DDX10: variants seen among roughly 807,000 people sequenced by gnomAD.
DDX10 encodes probable ATP-dependent RNA helicase DDX10.
In DDX10, 74 loss-of-function variants were observed where a neutral mutation model predicts 104.3. That is an observed-to-expected ratio of 0.71 (90% CI 0.59 to 0.86). The LOEUF (loss-of-function observed/expected upper bound fraction) is 0.86, where lower values mean the gene tolerates loss of function less well. DDX10 is among the 40% of genes least tolerant of loss of function. The pLI, the probability that DDX10 is intolerant of heterozygous loss-of-function variation, is 0.00. For missense variants in DDX10, 952 were observed against 1,040.0 expected (o/e 0.92, Z 1.16); for synonymous variants, 351 against 353.4 (o/e 0.99, Z 0.08).
At chr11:108,697,475 G>C (rs1359255663) in intron 9 of DDX10, among the ~76,000 whole-genome samples, 1 of 152,034 alleles carries the variant, frequency 6.6e-6, no homozygotes, top group Non-Finnish European at 1.5e-5. Context: ...GCTAAGATTT[G>C]GGGAATCTTT....
intron 1 of DDX10, among the ~76,000 whole-genome samples, chr11:108,667,405 A>G (rs2094211472): frequency 6.6e-6 from 1 of 152,208 alleles, no homozygotes; most frequent in Admixed American, 6.5e-5. Context: ...CTTGGCTCAC[A>G]GTTACTTTTA....
At chr11:108,709,923 G>A (rs144745433) in intron 10 of DDX10, among the ~76,000 whole-genome samples, 1 of 152,104 alleles carries the variant, frequency 6.6e-6, no homozygotes, top group Non-Finnish European at 1.5e-5. Flanking sequence ...GGGAATAAGT[G>A]TGAGCAATGG....
chr11:108,872,850 C>T lies in DDX10; in HGVS notation c.2304+20641C>T, dbSNP rs150320690. On this transcript the variant is annotated intron_variant, in intron 16 of 17. Coordinates refer to ENST00000322536, the MANE Select transcript of DDX10 (RefSeq NM_004398.4). ...CCCCCTCCCATTTCCCTTTCTCTCA[C>T]GGTCATTCTCTTTCCCTTCCATTCT... Among the ~76,000 whole-genome samples the T allele has an allele frequency of 8.9e-5, 13 of 146,794 alleles. No individual in the cohort carries two copies. The East Asian group carries it at 1.9e-3, about 22-fold the overall frequency.
At chr11:108,746,369 C>T (rs1222409255) in intron 13 of DDX10, among the ~76,000 whole-genome samples, 1 of 151,606 alleles carries the variant, frequency 6.6e-6, no homozygotes, top group Non-Finnish European at 1.5e-5. Flanking sequence ...TTGCATATAT[C>T]AGTATTGCAT....
chr11:108,853,420 ATAATC>A (rs1257005435), intron 16 of DDX10, among the ~76,000 whole-genome samples: 38 of 152,240 alleles, frequency 2.5e-4, no homozygotes, highest in African/African-American at 8.7e-4. Flanking sequence ...AATGAAAGAT[ATAATC>A]TAGAGCCAAA....
chr11:108,910,834 G>A (rs1863666482), intron 16 of DDX10, among the ~76,000 whole-genome samples: 1 of 150,618 alleles, frequency 6.6e-6, no homozygotes, highest in Non-Finnish European at 1.5e-5. Flanking sequence ...AGGATGATAG[G>A]GGGTTCTTGT....
At chr11:108,673,394 A>G (rs2094219586) in intron 1 of DDX10, 73 bp from the exon 2 acceptor site, 1 of 978,206 alleles carries the variant, frequency 1.0e-6, no homozygotes, top group African/African-American at 1.6e-5. Context: ...GAGCTGGGCA[A>G]TACAATGTAG....
intron 13 of DDX10, among the ~76,000 whole-genome samples, chr11:108,759,276 A>G (rs2094347942): frequency 6.6e-6 from 1 of 152,116 alleles, no homozygotes; most frequent in South Asian, 2.1e-4. Context: ...TCATATACCT[A>G]TATGACCAAA....
At chr11:108,733,167 G>T (rs1591804247) in intron 13 of DDX10, among the ~76,000 whole-genome samples, 1 of 144,808 alleles carries the variant, frequency 6.9e-6, no homozygotes, top group Non-Finnish European at 1.5e-5. Context: ...ACTCACTGTT[G>T]GTGTTAAAAC....
intron 13 of DDX10, among the ~76,000 whole-genome samples, chr11:108,767,057 T>A (rs1352544939): frequency 1.3e-5 from 2 of 152,186 alleles, no homozygotes; most frequent in African/African-American, 2.4e-5. Flanking sequence ...TCAGCTCTTA[T>A]ATTGGAGAGT....
At chr11:108,841,922 A>G (rs1287407073) in intron 15 of DDX10, among the ~76,000 whole-genome samples, 1 of 152,198 alleles carries the variant, frequency 6.6e-6, no homozygotes, top group East Asian at 1.9e-4. Flanking sequence ...AGTTGTGTGC[A>G]TCAGTGCTTT....
At chr11:108,865,330 C>T (rs1311110991) in intron 16 of DDX10, among the ~76,000 whole-genome samples, 2 of 152,072 alleles carry the variant, frequency 1.3e-5, no homozygotes, top group Admixed American at 6.6e-5. Context: ...TCCTGTGGGG[C>T]CTCTTTTAGC....
intron 17 of DDX10, 97 bp from the exon 18 acceptor site, chr11:108,940,146 GAAT>G: frequency 7.8e-7 from 1 of 1,276,668 alleles, no homozygotes; most frequent in Non-Finnish European, 1.1e-6. Flanking sequence ...CTTCATTCTT[GAAT>G]AATATCACTT....
intron 10 of DDX10, among the ~76,000 whole-genome samples, chr11:108,712,552 G>A (rs2094285834): frequency 6.6e-6 from 1 of 151,882 alleles, no homozygotes; most frequent in Non-Finnish European, 1.5e-5. Context: ...TTCACAGGTA[G>A]TGTGAGTACC....
chr11:108,831,177 G>A (rs1398818595), intron 13 of DDX10, among the ~76,000 whole-genome samples: 7 of 152,064 alleles, frequency 4.6e-5, no homozygotes, highest in East Asian at 3.9e-4. Flanking sequence ...AGTCTGAGGT[G>A]GGTGGATCAC....
At chr11:108,892,678 G>A (rs1452989072) in intron 16 of DDX10, among the ~76,000 whole-genome samples, 2 of 152,084 alleles carry the variant, frequency 1.3e-5, no homozygotes, top group African/African-American at 4.8e-5. Context: ...TTAAAAAGGG[G>A]TTTCTAAATT....
chr11:108,669,737 G>T (rs1323749370), intron 1 of DDX10, among the ~76,000 whole-genome samples: 1 of 152,190 alleles, frequency 6.6e-6, no homozygotes, highest in Non-Finnish European at 1.5e-5. Context: ...GATTAGGTGG[G>T]CCCAATGTAA....
chr11:108,791,229 G>C (rs984992015), intron 13 of DDX10, among the ~76,000 whole-genome samples: 9 of 152,336 alleles, frequency 5.9e-5, no homozygotes, highest in African/African-American at 2.2e-4. Flanking sequence ...TGTAGCCTTT[G>C]CTAAGCTTCT....
intron 13 of DDX10, among the ~76,000 whole-genome samples, chr11:108,755,418 G>A (rs1451420453): frequency 1.3e-5 from 2 of 151,958 alleles, no homozygotes; most frequent in Non-Finnish European, 2.9e-5. Flanking sequence ...AGACAAATCT[G>A]GCCTATTGCC....
Sources: gnomAD v4.1 joint callset for allele counts (sites outside exome capture counted in the v4.1 genomes callset) on GRCh38, gnomAD v4.1.1 for gene constraint, MANE v1.5 for transcripts, NCBI Gene and HGNC (gene_info 2026-07-23, HGNC 2026-07-21) for gene names.